Variants in HDAC9 observed in about 807,000 individuals in gnomAD.
HDAC9 encodes MEF-2 interacting transcription repressor (MITR) protein.
In HDAC9, 41 loss-of-function variants were observed where a neutral mutation model predicts 139.4. The ratio of observed to expected loss-of-function variants is 0.29; its 90% CI spans 0.23 to 0.38. HDAC9 has a LOEUF of 0.38. Among genes scored for constraint, HDAC9 ranks in the 10% least tolerant of loss-of-function variants. The probability of loss-of-function intolerance (pLI) is 1.00; values close to 1 mark genes in which losing one functional copy is unlikely to be tolerated. For synonymous variants in HDAC9, 517 were observed against 476.2 expected, an observed-to-expected ratio of 1.09 and a Z score of -1.12; for missense variants, 1,147 against 1,297.0, an observed-to-expected ratio of 0.88 and a Z score of 1.78.
rs375896758 is a variant in HDAC9 at position 18,156,121 on chromosome 7, GT to G, written c.-96-6107del. Among the ~76,000 whole-genome samples, 25 of 152,252 alleles carry G rather than the reference GT, an allele frequency of 1.6e-4. No homozygotes were observed. The East Asian group carries it at 3.5e-3, about 21-fold the overall frequency. On this transcript the variant is annotated intron_variant, in intron 1 of 12. Coordinates refer to the HDAC9 transcript ENST00000417496. ...ACATCTCTGTATCCCATGTTCCCCTGTCTTCATGAATAAGTGGTTTGATTGT... is the reference window on the plus strand; with the variant it reads ...ACATCTCTGTATCCCATGTTCCCCTGCTTCATGAATAAGTGGTTTGATTGT...
chr7:18,373,062 T>C (rs1164860531), intron 1 of HDAC9, among the ~76,000 whole-genome samples: 1 of 148,572 alleles, frequency 6.7e-6, no homozygotes, highest in East Asian at 1.9e-4. Flanking sequence ...TATCAATAAA[T>C]TAATATCTCC....
chr7:18,825,444 A>G (rs1048647710), intron 17 of HDAC9, among the ~76,000 whole-genome samples: 1 of 152,248 alleles, frequency 6.6e-6, no homozygotes, highest in African/African-American at 2.4e-5. Flanking sequence ...TAGTGTTGAA[A>G]GTTTAGGGCC....
At chr7:18,633,930 T>C (rs1293257595) in intron 7 of HDAC9, among the ~76,000 whole-genome samples, 1 of 152,136 alleles carries the variant, frequency 6.6e-6, no homozygotes, top group Non-Finnish European at 1.5e-5. Flanking sequence ...ATCTGTCTTG[T>C]TGTTGCCTGA....
intron 17 of HDAC9, among the ~76,000 whole-genome samples, chr7:18,802,274 G>A (rs1389026957): frequency 2.6e-5 from 4 of 151,712 alleles, no homozygotes; most frequent in African/African-American, 4.8e-5. Context: ...TGAGCCATTA[G>A]TGTATTAAAT....
chr7:18,412,679 C>G (rs1057272398), intron 1 of HDAC9, among the ~76,000 whole-genome samples: 6 of 152,172 alleles, frequency 3.9e-5, no homozygotes, highest in African/African-American at 1.4e-4. Context: ...TATTACATGG[C>G]AGAAAACAAA....
intron 1 of HDAC9, chr7:18,088,140 A>G (rs1781911719): frequency 6.6e-6 from 1 of 152,198 alleles, no homozygotes; most frequent in Non-Finnish European, 1.5e-5. Flanking sequence ...AAGTAACTGT[A>G]GCATTTTGAA....
intron 1 of HDAC9, among the ~76,000 whole-genome samples, chr7:18,337,540 A>G (rs1053943038): frequency 7.2e-5 from 11 of 151,862 alleles, no homozygotes; most frequent in Middle Eastern, 3.4e-3. Flanking sequence ...TTCTAATGTT[A>G]TAATAATGTG....
intron 2 of HDAC9, among the ~76,000 whole-genome samples, chr7:18,526,968 C>G (rs1466286741): frequency 2.0e-5 from 3 of 151,926 alleles, no homozygotes; most frequent in Non-Finnish European, 4.4e-5. Flanking sequence ...AGTCTACATT[C>G]TAGAGATTAT....
chr7:18,484,834 C>T (rs989192848), intron 1 of HDAC9, among the ~76,000 whole-genome samples: 1 of 146,564 alleles, frequency 6.8e-6, no homozygotes, highest in Non-Finnish European at 1.5e-5. Flanking sequence ...GTCTGGATGA[C>T]AGAGCAAGAC....
chr7:18,964,614 T>G (rs1233501672), intron 24 of HDAC9, among the ~76,000 whole-genome samples: 2 of 152,216 alleles, frequency 1.3e-5, no homozygotes, highest in Non-Finnish European at 2.9e-5. Context: ...AAAAGAGATT[T>G]AATTGACTCA....
chr7:18,745,235 C>T (rs972322493), intron 13 of HDAC9, among the ~76,000 whole-genome samples: 4 of 152,172 alleles, frequency 2.6e-5, no homozygotes, highest in Non-Finnish European at 5.9e-5. Context: ...TACCTGTTAA[C>T]ACCTCAGTGA....
chr7:18,771,669 A>T (rs1382329199), intron 16 of HDAC9, among the ~76,000 whole-genome samples: 2 of 152,186 alleles, frequency 1.3e-5, no homozygotes, highest in Non-Finnish European at 2.9e-5. Flanking sequence ...ATTACACCAC[A>T]TTGGTCCTTC....
At chr7:18,759,479 C>G (rs1789180738) in intron 14 of HDAC9, among the ~76,000 whole-genome samples, 1 of 151,932 alleles carries the variant, frequency 6.6e-6, no homozygotes, top group Non-Finnish European at 1.5e-5. Context: ...CTGTCACTGT[C>G]TCCTATCACC....
At chr7:18,357,654 A>G (rs1270822365) in intron 1 of HDAC9, among the ~76,000 whole-genome samples, 4 of 152,166 alleles carry the variant, frequency 2.6e-5, no homozygotes, top group Non-Finnish European at 5.9e-5. Flanking sequence ...TAGGCTAGAG[A>G]GTTAGGAAAG....
At chr7:18,470,644 T>C (rs886380866) in intron 1 of HDAC9, among the ~76,000 whole-genome samples, 1 of 152,172 alleles carries the variant, frequency 6.6e-6, no homozygotes, top group Non-Finnish European at 1.5e-5. Flanking sequence ...ATTTCTCTGC[T>C]TTTTAGCAGG....
chr7:18,862,865 C>G (rs964876355), intron 21 of HDAC9, among the ~76,000 whole-genome samples: 1 of 152,026 alleles, frequency 6.6e-6, no homozygotes, highest in African/African-American at 2.4e-5. Flanking sequence ...ATAAACAAAA[C>G]ATGGAAAAAA....
chr7:18,176,153 G>A (rs1788884496), intron 2 of HDAC9, among the ~76,000 whole-genome samples: 1 of 152,290 alleles, frequency 6.6e-6, no homozygotes, highest in East Asian at 1.9e-4. Flanking sequence ...CTAGTCATGA[G>A]TTTTGGACTC....
At chr7:18,194,062 C>G (rs965172963) in intron 2 of HDAC9, among the ~76,000 whole-genome samples, 1 of 152,096 alleles carries the variant, frequency 6.6e-6, no homozygotes, top group African/African-American at 2.4e-5. Context: ...GAAAGGGACA[C>G]CCATGAGGTC....
intron 17 of HDAC9, among the ~76,000 whole-genome samples, chr7:18,816,910 A>G (rs1794601063): frequency 6.6e-6 from 1 of 152,242 alleles, no homozygotes; most frequent in Non-Finnish European, 1.5e-5. Context: ...ATGACCTATC[A>G]GAGGTATTCC....
Sources: allele counts gnomAD v4.1 joint callset (sites outside exome capture counted in the v4.1 genomes callset), GRCh38; gene constraint gnomAD v4.1.1; transcripts MANE v1.5; gene names NCBI Gene and HGNC (gene_info 2026-07-23, HGNC 2026-07-21).